The following FETUB variants were observed in gnomAD, a reference collection of about 807,000 sequenced individuals.
FETUB encodes fetuin B.
In FETUB, 28 loss-of-function variants were observed where a neutral mutation model predicts 30.9. The ratio of observed to expected loss-of-function variants is 0.90; its 90% CI spans 0.67 to 1.24. The LOEUF (loss-of-function observed/expected upper bound fraction) is 1.24, where lower values mean the gene tolerates loss of function less well. FETUB is among the 50% of genes most tolerant of loss of function. FETUB has a pLI of 0.00. For synonymous variants in FETUB, 186 were observed against 175.9 expected, an observed-to-expected ratio of 1.06 and a Z score of -0.45; for missense variants, 469 against 455.3, an observed-to-expected ratio of 1.03 and a Z score of -0.27.
chr3:186,640,202 T>C (rs1243014022), upstream of FETUB, among the ~76,000 whole-genome samples: 1 of 152,240 alleles, frequency 6.6e-6, no homozygotes, highest in Admixed American at 6.5e-5. Context: ...TTATGATTTC[T>C]CAGGAAACAG....
chr3:186,639,323 C>T (rs1716873222), upstream of FETUB, among the ~76,000 whole-genome samples: 1 of 152,168 alleles, frequency 6.6e-6, no homozygotes, highest in African/African-American at 2.4e-5. Context: ...CAGCATTACA[C>T]AATAGCCACC....
chr3:186,652,639 A>G lies in FETUB; in HGVS notation c.*8A>G, dbSNP rs780113914. ...CTTGTCCTTCCGCCATGAGAATCAC[A>G]CAGAGTCTTCTGTAGGGGTATGGTG... is the stretch of plus-strand genomic sequence containing the variant. On this transcript the variant is annotated 3_prime_UTR_variant, in exon 7 of 7. Transcript: ENST00000265029. 1 of 1,596,428 alleles carries G rather than the reference A, an allele frequency of 6.3e-7. No individual in the cohort carries two copies. The highest frequency in any genetic ancestry group is 1.7e-5 in the Admixed American group (1 of 57,606).
intron 1 of FETUB, 23 bp from the exon 2 acceptor site, chr3:186,641,007 C>T (rs1453356753): frequency 3.4e-6 from 5 of 1,468,822 alleles, no homozygotes; most frequent in Non-Finnish European, 4.8e-6. Context: ...AAATGTATTG[C>T]ATTTCTCTAC....
Position 186,651,400 on chromosome 3 carries a change from C to T in FETUB, c.780+99C>T, listed in dbSNP as rs952873191. ...CCCCCTCCTTTGATTTTCCCAACCA[C>T]CTTGCTCACCACTTTGCGCAGGCTA... On this transcript the variant is annotated intron_variant, in intron 6 of 6. Transcript: ENST00000265029. 8.3e-5 allele frequency: 66 copies of T among 798,222 alleles called. No individual in the cohort carries two copies. In the African/African-American group the frequency reaches 1.1e-3, roughly 13 times the overall value. 49.4% of individuals were successfully genotyped at this position (798,222 alleles called of 1,614,324 possible).
intron 4 of FETUB, 79 bp downstream of exon 4, chr3:186,644,999 T>C (rs1717385629): frequency 2.5e-6 from 3 of 1,190,694 alleles, no homozygotes; most frequent in East Asian, 4.9e-5. Flanking sequence ...GGGAGGAAAA[T>C]GTCAAGGCAC....
chr3:186,642,431 T>A, intron 2 of FETUB, 40 bp from the exon 3 acceptor site: 1 of 1,087,148 alleles, frequency 9.2e-7, no homozygotes, highest in Admixed American at 2.0e-5. Context: ...AAGCTCATAG[T>A]TGCATTCGCT....
In FETUB at chr3:186,645,049, C is replaced by G. The variant is rs1244998919; in HGVS notation, c.594+129C>G. ...ACCAAAATACCTTTCTCTACTTTCC[C>G]CACTTTGATAGACCTGATGCCCATT... On this transcript the variant is annotated intron_variant, in intron 4 of 6. Transcript: ENST00000265029. 3 of 647,960 alleles carry G rather than the reference C, an allele frequency of 4.6e-6. No individual in the cohort carries two copies. In the African/African-American group the frequency reaches 5.5e-5, roughly 12 times the overall value. 40.1% of individuals were successfully genotyped at this position (647,960 alleles called of 1,614,324 possible). A position where few individuals can be genotyped will look rare whatever the true frequency, so the allele number is the denominator to read the frequency against.
chr3:186,644,671 C>T (rs1393946032), intron 3 of FETUB, 80 bp from the exon 4 acceptor site: 4 of 1,142,334 alleles, frequency 3.5e-6, no homozygotes, highest in Non-Finnish European at 5.0e-6. Context: ...AACTTCCTCA[C>T]CCCATCCTTG....
intron 1 of FETUB, 42 bp from the exon 2 acceptor site, chr3:186,640,988 C>T: frequency 4.6e-6 from 6 of 1,309,012 alleles, no homozygotes; most frequent in Non-Finnish European, 6.6e-6. Flanking sequence ...TAGGTTTCTA[C>T]TTCCTGTGAA....
chr3:186,648,558 A>T (rs1717737877), intron 5 of FETUB, among the ~76,000 whole-genome samples: 1 of 152,210 alleles, frequency 6.6e-6, no homozygotes, highest in African/African-American at 2.4e-5. Context: ...GATACATTTG[A>T]TTGCATTGAA....
chr3:186,652,205 C>CTAGG, intron 6 of FETUB, 58 bp from the exon 7 acceptor site: 1 of 1,514,164 alleles, frequency 6.6e-7, no homozygotes, highest in Non-Finnish European at 8.8e-7. Context: ...TAGGCTGGTA[C>CTAGG]TAGGCATGGG....
rs1717529582 is a variant in FETUB, at chr3:186,646,264, C to T, written c.611C>T (p.Ser204Phe). 1 of 1,613,648 alleles carries T rather than the reference C, an allele frequency of 6.2e-7. No individual in the cohort carries two copies. Among genetic ancestry groups the T allele is most frequent in the Non-Finnish European group, 8.5e-7 (1 of 1,179,632 alleles). Residue 204 changes from serine to phenylalanine, a missense_variant, in exon 5 of 7, where the codon TCT becomes TTT. By Grantham distance (155) the Ser-to-Phe change is radical. Coordinates refer to ENST00000265029, the MANE Select transcript of FETUB (RefSeq NM_014375.3). ...RASSQWVVGP[S>F]YFVEYLIKES... ...TCATAACAGTGGGTGGTCGGCCCTT[C>T]TTACTTTGTGGAATACTTAATTAAA...
At chr3:186,641,251 T>G (rs1560020008) in intron 2 of FETUB, 111 bp downstream of exon 2, 2 of 682,202 alleles carry the variant, frequency 2.9e-6, no homozygotes, top group East Asian at 5.5e-5. Flanking sequence ...ATGGCCCACT[T>G]TATAATCTCC....
chr3:186,644,667 C>A, intron 3 of FETUB, 84 bp from the exon 4 acceptor site: 1 of 1,082,904 alleles, frequency 9.2e-7, no homozygotes, highest in Non-Finnish European at 1.3e-6. Context: ...AGGTAACTTC[C>A]TCACCCCATC....
upstream of FETUB, among the ~76,000 whole-genome samples, chr3:186,637,887 G>A (rs1716821121): frequency 6.6e-6 from 1 of 152,174 alleles, no homozygotes; most frequent in African/African-American, 2.4e-5. Flanking sequence ...CCTTTTACAT[G>A]GGAGGAGCCT....
chr3:186,651,675 T>C lies in FETUB; in HGVS notation c.780+374T>C, dbSNP rs1718051887. On this transcript the variant is annotated intron_variant, in intron 6 of 6. Transcript: ENST00000265029. Reference sequence around the variant, plus strand: ...TGTTTATTGCGCACTTATTATAAGGTAGCCTGGTATATTTGAGAGGCAGTT... The same window carrying C: ...TGTTTATTGCGCACTTATTATAAGGCAGCCTGGTATATTTGAGAGGCAGTT... The C allele has an allele frequency of 2.2e-5, 5 of 225,496 alleles. No homozygotes were observed. In the South Asian group the frequency reaches 3.6e-4, roughly 16 times the overall value. The allele number at this position is 225,496 out of a possible 1,614,324, so 14.0% of individuals were successfully genotyped here.
At chr3:186,642,650 A>C (rs778457051) in intron 3 of FETUB, 92 bp downstream of exon 3, 5 of 778,898 alleles carry the variant, frequency 6.4e-6, no homozygotes, top group Non-Finnish European at 1.1e-5. Context: ...GGTATCTCTC[A>C]TTCTTATTTT....
At chr3:186,637,966 T>A (rs1238669387), upstream of FETUB, among the ~76,000 whole-genome samples, 1 of 152,236 alleles carries the variant, frequency 6.6e-6, no homozygotes, top group African/African-American at 2.4e-5. Context: ...GCGTCTTAAC[T>A]GTGGCTACTC....
Position 186,653,116 on chromosome 3 carries a change from A to C in FETUB, c.*485A>C. The C allele has an allele frequency of 6.5e-6, 1 of 153,888 alleles. No homozygotes were observed. The highest frequency in any genetic ancestry group is 1.4e-5 in the Non-Finnish European group (1 of 69,224). 9.5% of individuals were successfully genotyped at this position (153,888 alleles called of 1,614,324 possible). A position where few individuals can be genotyped will look rare whatever the true frequency, so the allele number is the denominator to read the frequency against. ...GGGCCCATACCATTTCCAACCCTCT[A>C]CCTCTTTTCATCTGTCTGGAAGTCT... On this transcript the variant is annotated 3_prime_UTR_variant, in exon 7 of 7. Coordinates refer to ENST00000265029, the MANE Select transcript of FETUB (RefSeq NM_014375.3).
Sources: gnomAD v4.1 joint callset for allele counts (sites outside exome capture counted in the v4.1 genomes callset) on GRCh38, gnomAD v4.1.1 for gene constraint, MANE v1.5 for transcripts, NCBI Gene and HGNC (gene_info 2026-07-23, HGNC 2026-07-21) for gene names.